The following SEMA3C variants were observed in gnomAD, a reference collection of about 807,000 sequenced individuals.
The protein encoded by SEMA3C is semaphorin 3C.
A neutral mutation model predicts 89.4 loss-of-function variants in SEMA3C; 47 were observed. The observed-to-expected ratio is 0.53, with a 90% CI of 0.42 to 0.67. The LOEUF is 0.67. SEMA3C is among the 30% of genes least tolerant of loss of function. The pLI, the probability that SEMA3C is intolerant of heterozygous loss-of-function variation, is 0.00. For missense variants in SEMA3C, 839 were observed against 929.1 expected, an observed-to-expected ratio of 0.90 and a Z score of 1.26; for synonymous variants, 310 against 320.2, an observed-to-expected ratio of 0.97 and a Z score of 0.34.
chr7:80,759,066 C>A (rs562242227), intron 14 of SEMA3C, among the ~76,000 whole-genome samples: 1 of 152,050 alleles, frequency 6.6e-6, no homozygotes, highest in Non-Finnish European at 1.5e-5. Context: ...TATATTTAAA[C>A]GTCTTAAAAT....
At chr7:80,859,146 G>GGT (rs1375638315) in intron 2 of SEMA3C, among the ~76,000 whole-genome samples, 1 of 150,522 alleles carries the variant, frequency 6.6e-6, no homozygotes, top group Non-Finnish European at 1.5e-5. Flanking sequence ...AAAAAAGAAC[G>GGT]GTGTGTGTGT....
intron 2 of SEMA3C, among the ~76,000 whole-genome samples, chr7:80,837,073 G>C (rs1790151003): frequency 6.6e-6 from 1 of 152,078 alleles, no homozygotes; most frequent in Non-Finnish European, 1.5e-5. Context: ...GCACTGTTTG[G>C]GGCTGAAGCA....
chr7:80,900,634 T>G (rs1791855903), intron 2 of SEMA3C, among the ~76,000 whole-genome samples: 1 of 152,230 alleles, frequency 6.6e-6, no homozygotes, highest in Non-Finnish European at 1.5e-5. Flanking sequence ...GAGCCTGACC[T>G]AGGCTTTCTA....
chr7:80,917,519 A>C (rs1199444198), intron 1 of SEMA3C, among the ~76,000 whole-genome samples: 1 of 152,226 alleles, frequency 6.6e-6, no homozygotes, highest in Non-Finnish European at 1.5e-5. Context: ...ATTTTAAATA[A>C]ATCAACCAGA....
rs565179040 is a variant in SEMA3C, at chr7:80,856,142, G to C, written c.104-27397C>G. On this transcript the variant is annotated intron_variant, in intron 2 of 17. Coordinates refer to ENST00000265361, the MANE Select transcript of SEMA3C (RefSeq NM_006379.5). ...TTTAAATTTTTATTATTTTTTTGAA[G>C]GGCTCACCATAAATATGCAGGTAAA... 2.0e-5 allele frequency among the ~76,000 whole-genome samples: 3 copies of C among 151,846 alleles called. No individual in the cohort carries two copies. The East Asian group carries it at 5.8e-4, about 29-fold the overall frequency.
intron 2 of SEMA3C, among the ~76,000 whole-genome samples, chr7:80,833,770 CA>C (rs1209713863): frequency 6.6e-6 from 1 of 150,836 alleles, no homozygotes; most frequent in Non-Finnish European, 1.5e-5. Context: ...GAGAAACGAC[CA>C]TTTTTTTTTT....
intron 2 of SEMA3C, among the ~76,000 whole-genome samples, chr7:80,839,750 A>G (rs897476697): frequency 2.0e-5 from 3 of 152,058 alleles, no homozygotes; most frequent in African/African-American, 7.2e-5. Context: ...GCATTGGGGA[A>G]GGATGATGAC....
At chr7:80,771,572 A>G (rs780059250) in intron 12 of SEMA3C, among the ~76,000 whole-genome samples, 9 of 152,184 alleles carry the variant, frequency 5.9e-5, no homozygotes, top group Non-Finnish European at 1.0e-4. Context: ...GCTTGCATTT[A>G]TAAGTACAGT....
chr7:80,907,587 G>A (rs1562980481), intron 2 of SEMA3C, among the ~76,000 whole-genome samples: 1 of 151,774 alleles, frequency 6.6e-6, no homozygotes, highest in Admixed American at 6.6e-5. Flanking sequence ...AATCTATAAG[G>A]GTGGTTCTAT....
intron 5 of SEMA3C, among the ~76,000 whole-genome samples, chr7:80,812,354 CT>C (rs1789488776): frequency 6.6e-6 from 1 of 152,154 alleles, no homozygotes; most frequent in African/African-American, 2.4e-5. Flanking sequence ...TAGTTAAAGG[CT>C]GATAATAGCA....
chr7:80,833,120 C>A (rs1209639114), intron 2 of SEMA3C, among the ~76,000 whole-genome samples: 1 of 152,092 alleles, frequency 6.6e-6, no homozygotes, highest in Non-Finnish European at 1.5e-5. Flanking sequence ...CAGTTCTCCT[C>A]CTTGCCTGTT....
chr7:80,836,856 G>A (rs1477945906), intron 2 of SEMA3C, among the ~76,000 whole-genome samples: 2 of 152,044 alleles, frequency 1.3e-5, no homozygotes, highest in Non-Finnish European at 2.9e-5. Flanking sequence ...CATTTCCCCA[G>A]CATAATTATC....
At chr7:80,781,370 T>C (rs1397567867) in intron 12 of SEMA3C, among the ~76,000 whole-genome samples, 1 of 152,228 alleles carries the variant, frequency 6.6e-6, no homozygotes, top group Admixed American at 6.5e-5. Flanking sequence ...TGCAACTCAT[T>C]GCAACACATA....
chr7:80,797,616 C>A (rs1320594938), intron 11 of SEMA3C, among the ~76,000 whole-genome samples: 1 of 152,172 alleles, frequency 6.6e-6, no homozygotes, highest in Non-Finnish European at 1.5e-5. Flanking sequence ...ATATGTAACA[C>A]AATTTCTATC....
At chr7:80,783,967 A>G (rs1788745861) in intron 12 of SEMA3C, among the ~76,000 whole-genome samples, 1 of 152,194 alleles carries the variant, frequency 6.6e-6, no homozygotes, top group South Asian at 2.1e-4. Context: ...GCATTAAATC[A>G]TCTTAAACCT....
Position 80,851,973 on chromosome 7 carries a change from C to T in SEMA3C, c.104-23228G>A, listed in dbSNP as rs576975894. On this transcript the variant is annotated intron_variant, in intron 2 of 17. Coordinates refer to ENST00000265361, the MANE Select transcript of SEMA3C (RefSeq NM_006379.5). ...GATGGAAGGAGAATATCATGAAAAA[C>T]GTTTGTTTTGGTTTGTTTTTCCACA... 1.1e-4 allele frequency among the ~76,000 whole-genome samples: 17 copies of T among 152,050 alleles called. No homozygotes were observed. The South Asian group carries it at 1.7e-3, about 15-fold the overall frequency.
intron 4 of SEMA3C, among the ~76,000 whole-genome samples, chr7:80,825,462 G>C (rs1789850644): frequency 6.6e-6 from 1 of 152,042 alleles, no homozygotes; most frequent in African/African-American, 2.4e-5. Flanking sequence ...CAAAACTATG[G>C]GAAAATGTCA....
chr7:80,887,790 C>T (rs529917545), intron 2 of SEMA3C, among the ~76,000 whole-genome samples: 4 of 152,108 alleles, frequency 2.6e-5, no homozygotes, highest in Non-Finnish European at 4.4e-5. Context: ...ACTCCAAATA[C>T]GTTCAACTCT....
chr7:80,784,891 T>C (rs1246812229), intron 12 of SEMA3C, among the ~76,000 whole-genome samples: 1 of 152,174 alleles, frequency 6.6e-6, no homozygotes, highest in African/African-American at 2.4e-5. Flanking sequence ...GAACATATGG[T>C]GGGCTAGATT....
Sources: gnomAD v4.1 joint callset for allele counts (sites outside exome capture counted in the v4.1 genomes callset) on GRCh38, gnomAD v4.1.1 for gene constraint, MANE v1.5 for transcripts, NCBI Gene and HGNC (gene_info 2026-07-23, HGNC 2026-07-21) for gene names.